ABCG2: variants seen among roughly 807,000 people sequenced by gnomAD.
The protein encoded by ABCG2 is broad substrate specificity ATP-binding cassette transporter ABCG2.
In ABCG2, 80 loss-of-function variants were observed where a neutral mutation model predicts 73.5. The ratio of observed to expected loss-of-function variants is 1.09; its 90% CI spans 0.91 to 1.31. The LOEUF (loss-of-function observed/expected upper bound fraction) is 1.31. Ranked by LOEUF, ABCG2 falls within the 50% of genes most tolerant of loss-of-function variation. The pLI is 0.00. For synonymous variants in ABCG2, 269 were observed against 282.4 expected (o/e 0.95, Z 0.48); for missense variants, 796 against 786.2 (o/e 1.01, Z -0.15).
chr4:88,229,626 T>C (rs114737496), intron 1 of ABCG2, among the ~76,000 whole-genome samples: 74 of 152,308 alleles, frequency 4.9e-4, no homozygotes, highest in African/African-American at 1.7e-3. Context: ...ATTCATTTTG[T>C]GAAGCTGTGT....
chr4:88,093,855 TG>T (rs1469204504), intron 15 of ABCG2, among the ~76,000 whole-genome samples: 1 of 152,230 alleles, frequency 6.6e-6, no homozygotes, highest in Non-Finnish European at 1.5e-5. Context: ...AAAAGGCACG[TG>T]TTACTAAATT....
At chr4:88,207,509 T>C (rs926070509) in intron 1 of ABCG2, among the ~76,000 whole-genome samples, 3 of 152,142 alleles carry the variant, frequency 2.0e-5, no homozygotes, top group African/African-American at 7.2e-5. Context: ...TGAGATATAT[T>C]AAATTTGAGC....
intron 13 of ABCG2, among the ~76,000 whole-genome samples, chr4:88,097,181 G>C (rs1722038568): frequency 6.6e-6 from 1 of 152,098 alleles, no homozygotes; most frequent in Non-Finnish European, 1.5e-5. Context: ...TTCATAATAG[G>C]TCACAAAGAA....
At chr4:88,154,071 T>C (rs3109822) in intron 1 of ABCG2, among the ~76,000 whole-genome samples, 122,559 of 152,100 alleles carry the variant, frequency 0.81, 49,757 homozygotes, top group African/African-American at 0.9. Context: ...AACCATTTGC[T>C]TTGTGTGGGA....
At chr4:88,179,830 G>C (rs992122205) in intron 1 of ABCG2, among the ~76,000 whole-genome samples, 2 of 152,126 alleles carry the variant, frequency 1.3e-5, no homozygotes, top group African/African-American at 4.8e-5. Context: ...AATTGATCAA[G>C]CAGGGAAATA....
At chr4:88,128,454 T>C (rs370885534) in intron 5 of ABCG2, among the ~76,000 whole-genome samples, 38 of 152,170 alleles carry the variant, frequency 2.5e-4, no homozygotes, top group African/African-American at 9.2e-4. Context: ...ATCATTCTAC[T>C]ATAAAGACAC....
chr4:88,200,880 T>C (rs1729133145), intron 1 of ABCG2, among the ~76,000 whole-genome samples: 1 of 152,076 alleles, frequency 6.6e-6, no homozygotes, highest in South Asian at 2.1e-4. Flanking sequence ...ATATACTCAA[T>C]TGTATATGTA....
intron 15 of ABCG2, 42 bp downstream of exon 15, chr4:88,094,535 T>C (rs964463364): frequency 2.6e-6 from 4 of 1,526,700 alleles, no homozygotes; most frequent in Non-Finnish European, 3.6e-6. Context: ...CATCACACCA[T>C]GGTAGTAACA....
rs1481698012 is a variant in ABCG2 at position 88,101,333 on chromosome 4, G to T, written c.1278-14C>A. 3 of 1,611,840 alleles carry T rather than the reference G, an allele frequency of 1.9e-6. No homozygotes were observed. Among genetic ancestry groups the T allele is most frequent in the South Asian group, 2.2e-5 (2 of 90,992 alleles). ...AGAACCCCAGCTCTGCCATGAAAAG[G>T]GGAACCAAATCACCGCAGTCAACTC... On this transcript the variant is annotated splice_polypyrimidine_tract_variant and intron_variant, in intron 10 of 15. Coordinates refer to ENST00000237612, the MANE Select transcript of ABCG2 (RefSeq NM_004827.3).
intron 10 of ABCG2, among the ~76,000 whole-genome samples, chr4:88,102,469 G>T: frequency 6.6e-6 from 1 of 151,870 alleles, no homozygotes; most frequent in Non-Finnish European, 1.5e-5. Flanking sequence ...GGTGGCAGGT[G>T]CCTGTAGTCC....
intron 1 of ABCG2, among the ~76,000 whole-genome samples, chr4:88,211,437 G>C (rs188645305): frequency 7.5e-6 from 1 of 133,392 alleles, no homozygotes; most frequent in Admixed American, 9.0e-5. Context: ...TTCTTTTTGA[G>C]ATGGAGTCTC....
At chr4:88,186,562 G>T (rs1728461229) in intron 1 of ABCG2, among the ~76,000 whole-genome samples, 1 of 152,014 alleles carries the variant, frequency 6.6e-6, no homozygotes, top group African/African-American at 2.4e-5. Context: ...GATCACTTGA[G>T]ATCAGGAGTT....
chr4:88,112,795 G>C (rs1578187147), intron 9 of ABCG2, among the ~76,000 whole-genome samples: 2 of 152,158 alleles, frequency 1.3e-5, no homozygotes, highest in East Asian at 3.9e-4. Flanking sequence ...TTCTGAGTTA[G>C]GTAGTCTAAG....
chr4:88,150,050 C>T (rs1726344805), intron 1 of ABCG2, among the ~76,000 whole-genome samples: 1 of 152,028 alleles, frequency 6.6e-6, no homozygotes, highest in Admixed American at 6.6e-5. Context: ...AATGGTGGCT[C>T]ACGCCTGTAA....
Position 88,121,781 on chromosome 4 carries a change from C to T in ABCG2, c.543G>A (p.Gln181=). 4 of 1,612,150 alleles carry T rather than the reference C, an allele frequency of 2.5e-6. No individual in the cohort carries two copies. The highest frequency in any genetic ancestry group is 3.4e-6 in the Non-Finnish European group (4 of 1,179,484). Residue 181 remains glutamine (Q), a synonymous_variant, in exon 6 of 16, where the codon CAG becomes CAA. Coordinates refer to ENST00000237612, the MANE Select transcript of ABCG2 (RefSeq NM_004827.3). ...CTCCTCCAGACACACCACGGATAAA[C>T]TGAGTTCCAACCTAAATCACAAATA... ...DKVADSKVGT[Q]FIRGVSGGER...
At chr4:88,181,924 C>T (rs1004113355) in intron 1 of ABCG2, among the ~76,000 whole-genome samples, 8 of 151,958 alleles carry the variant, frequency 5.3e-5, no homozygotes, top group East Asian at 1.9e-4. Flanking sequence ...TAAGTCCTTA[C>T]GTATCAATAA....
At chr4:88,229,809 GA>G (rs373160832) in intron 1 of ABCG2, among the ~76,000 whole-genome samples, 20 of 152,080 alleles carry the variant, frequency 1.3e-4, no homozygotes, top group African/African-American at 4.8e-4. Context: ...AATTGTTTGG[GA>G]CAAGGAACAT....
intron 1 of ABCG2, among the ~76,000 whole-genome samples, chr4:88,225,126 A>G (rs1285653709): frequency 6.6e-6 from 1 of 152,190 alleles, no homozygotes; most frequent in Non-Finnish European, 1.5e-5. Context: ...GGTCACAGCA[A>G]GTTCAAAGAG....
At position 88,099,462 on chromosome 4, in the gene ABCG2, A is replaced by G; in HGVS notation, c.1368-14T>C. On this transcript the variant is annotated splice_polypyrimidine_tract_variant and intron_variant, in intron 11 of 15. Coordinates refer to ENST00000237612, the MANE Select transcript of ABCG2 (RefSeq NM_004827.3). ...ATGTATTCATGTCTATAGAACAAAA[A>G]TACGTATCATACATCCAAGATTAGT... 1 of 1,588,348 alleles carries G rather than the reference A, an allele frequency of 6.3e-7. No homozygotes were observed. Among genetic ancestry groups the G allele is most frequent in the Non-Finnish European group, 8.5e-7 (1 of 1,169,938 alleles).
Sources: gnomAD v4.1 joint callset for allele counts (sites outside exome capture counted in the v4.1 genomes callset) on GRCh38, gnomAD v4.1.1 for gene constraint, MANE v1.5 for transcripts, NCBI Gene and HGNC (gene_info 2026-07-23, HGNC 2026-07-21) for gene names.